Variants in NCOA7 observed in about 807,000 individuals in gnomAD.
The protein encoded by NCOA7 is nuclear receptor coactivator 7.
Under a neutral mutation model 104.3 loss-of-function variants are expected in NCOA7, and 45 were observed. The observed-to-expected ratio is 0.43, with a 90% confidence interval of 0.34 to 0.55. The LOEUF (loss-of-function observed/expected upper bound fraction) is 0.55. Ranked by LOEUF, NCOA7 falls within the 20% of genes least tolerant of loss-of-function variation. The probability of loss-of-function intolerance (pLI) is 0.02; values close to 1 mark genes in which losing one functional copy is unlikely to be tolerated. For missense variants in NCOA7, 1,041 were observed against 1,119.7 expected, an observed-to-expected ratio of 0.93 and a Z score of 1.00; for synonymous variants, 398 against 402.3, an observed-to-expected ratio of 0.99 and a Z score of 0.13.
chr6:125,882,422 C>T lies in NCOA7; in HGVS notation c.574-4C>T. On this transcript the variant is annotated splice_polypyrimidine_tract_variant and splice_region_variant and intron_variant, in intron 6 of 15. Coordinates refer to ENST00000392477, the MANE Select transcript of NCOA7 (RefSeq NM_181782.5). Reference sequence around the variant, plus strand: ...TTGATTTTGAAATTTTTTGCTTTCACAAGGATGCTGACTTAGCACGAAAGG... The same window carrying T: ...TTGATTTTGAAATTTTTTGCTTTCATAAGGATGCTGACTTAGCACGAAAGG... 1.2e-6 allele frequency: 2 copies of T among 1,608,956 alleles called. No individual in the cohort carries two copies. Among genetic ancestry groups the T allele is most frequent in the South Asian group, 2.2e-5 (2 of 89,752 alleles).
In NCOA7 at chr6:125,869,031, G is replaced by A. The variant is rs537321316; in HGVS notation, c.272-5858G>A. On this transcript the variant is annotated intron_variant, in intron 3 of 15. Coordinates refer to ENST00000392477, the MANE Select transcript of NCOA7 (RefSeq NM_181782.5). ...CCAAACTTCTGTTTGTGCTTGTTCAGATACTTGTTAATAACAGAAAAAAAG... is the reference window on the plus strand; with the variant it reads ...CCAAACTTCTGTTTGTGCTTGTTCAAATACTTGTTAATAACAGAAAAAAAG... Among the ~76,000 whole-genome samples, 29 of 152,320 alleles carry A rather than the reference G, an allele frequency of 1.9e-4. No individual in the cohort carries two copies. In the South Asian group the frequency reaches 5.8e-3, roughly 30 times the overall value.
chr6:125,870,842 C>G (rs1310260413), intron 3 of NCOA7, among the ~76,000 whole-genome samples: 1 of 152,128 alleles, frequency 6.6e-6, no homozygotes, highest in Non-Finnish European at 1.5e-5. Context: ...GACAGGGCAC[C>G]AAGATCCACT....
At chr6:125,888,348 G>A (rs1390271879) in intron 8 of NCOA7, among the ~76,000 whole-genome samples, 6 of 152,140 alleles carry the variant, frequency 3.9e-5, no homozygotes. Flanking sequence ...GCTTCCTCTT[G>A]CATCTCCTTT....
chr6:125,890,011 T>C (rs766509403), intron 9 of NCOA7, 30 bp downstream of exon 9: 1 of 1,451,170 alleles, frequency 6.9e-7, no homozygotes, highest in Non-Finnish European at 9.1e-7. Context: ...TGCCTTTATA[T>C]TCTGTTGCAT....
At chr6:125,895,138 T>G (rs1166902099) in intron 10 of NCOA7, among the ~76,000 whole-genome samples, 2 of 152,328 alleles carry the variant, frequency 1.3e-5, no homozygotes, top group South Asian at 2.1e-4. Flanking sequence ...CTTTTCTCTT[T>G]TTTCCAATTA....
intron 10 of NCOA7, among the ~76,000 whole-genome samples, chr6:125,901,931 G>T (rs185291146): frequency 6.6e-6 from 1 of 152,098 alleles, no homozygotes; most frequent in South Asian, 2.1e-4. Flanking sequence ...TCCTCCGACC[G>T]TCCCCGACCA....
At chr6:125,928,357 T>C (rs1788221259) in intron 15 of NCOA7, 110 bp downstream of exon 15, 1 of 978,952 alleles carries the variant, frequency 1.0e-6, no homozygotes, top group Non-Finnish European at 1.5e-6. Context: ...TTTTAGCTAG[T>C]CCATGTGCTT....
upstream of NCOA7, among the ~76,000 whole-genome samples, chr6:125,790,581 G>A (rs918723222): frequency 6.6e-6 from 1 of 151,756 alleles, no homozygotes; most frequent in African/African-American, 2.4e-5. Context: ...CGCGGGGGGC[G>A]GGGAGGATGC....
At chr6:125,826,725 G>A (rs1022079346) in intron 2 of NCOA7, among the ~76,000 whole-genome samples, 8 of 152,240 alleles carry the variant, frequency 5.3e-5, no homozygotes, top group African/African-American at 1.4e-4. Flanking sequence ...TCACAAATAC[G>A]TTGTCTTAGT....
intron 1 of NCOA7, among the ~76,000 whole-genome samples, chr6:125,811,529 G>C (rs191033704): frequency 2.3e-4 from 35 of 152,216 alleles, no homozygotes; most frequent in Non-Finnish European, 4.1e-4. Flanking sequence ...GGTCAGGGAA[G>C]GCTTTGAAGT....
At chr6:125,917,568 A>G (rs1787194100) in intron 11 of NCOA7, among the ~76,000 whole-genome samples, 1 of 152,144 alleles carries the variant, frequency 6.6e-6, no homozygotes. Context: ...TATCCTATAA[A>G]CCAAAAACAA....
chr6:125,802,401 C>T (rs1775985994), intron 1 of NCOA7: 2 of 152,144 alleles, frequency 1.3e-5, no homozygotes, highest in African/African-American at 2.4e-5. Context: ...AGCTGAGGTT[C>T]AAGTTCGGGT....
chr6:125,804,059 T>C (rs1486833556), intron 1 of NCOA7, among the ~76,000 whole-genome samples: 2 of 152,116 alleles, frequency 1.3e-5, no homozygotes, highest in African/African-American at 2.4e-5. Flanking sequence ...GTGATTCACA[T>C]TGGCACATAT....
chr6:125,849,149 G>A (rs976118865), intron 2 of NCOA7, among the ~76,000 whole-genome samples: 24 of 152,232 alleles, frequency 1.6e-4, no homozygotes, highest in African/African-American at 5.8e-4. Context: ...TTTTGTAAAA[G>A]AAAAAGCTTC....
intron 1 of NCOA7, among the ~76,000 whole-genome samples, chr6:125,781,742 T>C (rs1401835234): frequency 6.6e-6 from 1 of 152,252 alleles, no homozygotes; most frequent in African/African-American, 2.4e-5. Context: ...CAAAAGGGTA[T>C]GGTGAAAACC....
chr6:125,805,720 T>C (rs974846914), intron 1 of NCOA7, among the ~76,000 whole-genome samples: 8 of 152,260 alleles, frequency 5.3e-5, no homozygotes, highest in African/African-American at 1.9e-4. Context: ...AATATTTAAC[T>C]GTTTCCTGTC....
rs149699133 is a variant in NCOA7 at position 125,893,903 on chromosome 6, A to G, written c.2096+3093A>G. On this transcript the variant is annotated intron_variant, in intron 10 of 15. Transcript: ENST00000392477. ...GTTCACTGAGAATTAAATACTCGTC[A>G]ACCTTATGTCCTCCCTGTCTCCAGT... is the stretch of plus-strand genomic sequence containing the variant. Among the ~76,000 whole-genome samples, 674 of 152,258 alleles carry G rather than the reference A, an allele frequency of 4.4e-3. 4 individuals carry two copies. The highest frequency in any genetic ancestry group is 0.016 in the African/African-American group (645 of 41,544).
chr6:125,811,894 C>T lies in NCOA7; in HGVS notation c.-64-3397C>T, dbSNP rs534951191. Among the ~76,000 whole-genome samples, 9 of 152,236 alleles carry T rather than the reference C, an allele frequency of 5.9e-5. No individual in the cohort carries two copies. The South Asian group carries it at 6.2e-4, about 11-fold the overall frequency. On this transcript the variant is annotated intron_variant, in intron 1 of 15. Coordinates refer to ENST00000392477, the MANE Select transcript of NCOA7 (RefSeq NM_181782.5). ...CTGCAGCATTGGATGTTGTTGACTC[C>T]GGACTACTTTTTCTAGCTCATCTCC...
chr6:125,861,298 C>T (rs926526030), intron 3 of NCOA7, among the ~76,000 whole-genome samples: 1 of 151,832 alleles, frequency 6.6e-6, no homozygotes, highest in African/African-American at 2.4e-5. Flanking sequence ...TGTTTTTTTT[C>T]CTAACTACAC....
Sources: gnomAD v4.1 joint callset for allele counts (sites outside exome capture counted in the v4.1 genomes callset) on GRCh38, gnomAD v4.1.1 for gene constraint, MANE v1.5 for transcripts, NCBI Gene and HGNC (gene_info 2026-07-23, HGNC 2026-07-21) for gene names.